Variants in GRIA3 observed in about 807,000 individuals in gnomAD.
GRIA3 encodes glutamate receptor 3.
Under a neutral mutation model 63.0 loss-of-function variants are expected in GRIA3, and 3 were observed. That is an observed-to-expected ratio of 0.05 (90% CI 0.02 to 0.12). The LOEUF is 0.12. Among genes scored for constraint, GRIA3 ranks in the 10% least tolerant of loss-of-function variants. The pLI, the probability that GRIA3 is intolerant of heterozygous loss-of-function variation, is 1.00. For synonymous variants in GRIA3, 274 were observed against 257.9 expected, an observed-to-expected ratio of 1.06 and a Z score of -0.60; for missense variants, 347 against 700.9, an observed-to-expected ratio of 0.50 and a Z score of 5.70.
chrX:123,300,058 T>C (rs965596300), intron 3 of GRIA3, among the ~76,000 whole-genome samples: 29 of 111,797 alleles, frequency 2.6e-4, no homozygotes, highest in African/African-American at 8.8e-4. Flanking sequence ...GAACCAATCT[T>C]GCATCCCAGG....
chrX:123,246,240 C>T (rs1377554869), intron 2 of GRIA3, among the ~76,000 whole-genome samples: 3 of 112,081 alleles, frequency 2.7e-5, no homozygotes, highest in Non-Finnish European at 5.6e-5. Context: ...TATTAGCTTT[C>T]TATTTACTGC....
In GRIA3 at chrX:123,193,302, C is replaced by T. The variant is rs146254771; in HGVS notation, c.268+7312C>T. Among the ~76,000 whole-genome samples, 220 of 111,243 alleles carry T rather than the reference C, an allele frequency of 2.0e-3. 1 individual carries two copies. Among genetic ancestry groups the T allele is most frequent in the African/African-American group, 7.0e-3 (214 of 30,597 alleles). On this transcript the variant is annotated intron_variant, in intron 2 of 15. Transcript: ENST00000620443. The stretch of plus-strand genomic sequence containing the variant: ...TACCCCAAAGTGCCCCTTTTAGAAA[C>T]AACCTGCCCAAGAGAGCGAAGGTTG...
At chrX:123,278,380 C>T (rs1037171407) in intron 3 of GRIA3, among the ~76,000 whole-genome samples, 3 of 112,103 alleles carry the variant, frequency 2.7e-5, no homozygotes, top group Non-Finnish European at 3.8e-5. Flanking sequence ...GGTTGTGTCC[C>T]CACTCTGTTG....
chrX:123,400,637 T>C (rs2045439131), intron 7 of GRIA3, among the ~76,000 whole-genome samples: 1 of 111,989 alleles, frequency 8.9e-6, no homozygotes, highest in Non-Finnish European at 1.9e-5. Flanking sequence ...AACAAAATCA[T>C]TGCCTGGCAG....
At chrX:123,464,773 T>C (rs12841776) in intron 12 of GRIA3, 92 bp from the exon 13 acceptor site, 1 of 780,680 alleles carries the variant, frequency 1.3e-6, no homozygotes, top group Non-Finnish European at 1.9e-6. Flanking sequence ...TTTATTACTG[T>C]GGATTGCAAT....
chrX:123,240,952 C>T (rs900214900), intron 2 of GRIA3, among the ~76,000 whole-genome samples: 1 of 111,772 alleles, frequency 8.9e-6, no homozygotes, highest in African/African-American at 3.3e-5. Flanking sequence ...GTGTGAAGAA[C>T]CAAAGTCAGT....
chrX:123,403,392 C>T lies in GRIA3; in HGVS notation c.1186-20C>T, dbSNP rs1157659246. 2 of 1,028,422 alleles carry T rather than the reference C, an allele frequency of 1.9e-6. No homozygotes were observed. Among genetic ancestry groups the T allele is most frequent in the Non-Finnish European group, 2.7e-6 (2 of 727,825 alleles). 84.8% of individuals were successfully genotyped at this position (1,028,422 alleles called of 1,213,427 possible). ...CTGAGGGAAAAATAGGCATCCAGGT[C>T]AAATGTCTTCTCTTTCTAGGCTGGC... On this transcript the variant is annotated intron_variant, in intron 8 of 15. Coordinates refer to ENST00000620443, the MANE Select transcript of GRIA3 (RefSeq NM_007325.5).
At chrX:123,227,561 T>TG (rs890308963) in intron 2 of GRIA3, among the ~76,000 whole-genome samples, 20 of 110,991 alleles carry the variant, frequency 1.8e-4, no homozygotes, top group African/African-American at 6.2e-4. Flanking sequence ...AGATATTCTG[T>TG]GGGGGAAGGG....
intron 12 of GRIA3, among the ~76,000 whole-genome samples, chrX:123,442,041 G>A (rs1271379966): frequency 8.9e-6 from 1 of 112,294 alleles, no homozygotes; most frequent in African/African-American, 3.2e-5. Flanking sequence ...ATAAATTCAA[G>A]GAGACTTGGA....
At chrX:123,227,312 T>G (rs918061894) in intron 2 of GRIA3, among the ~76,000 whole-genome samples, 1 of 111,959 alleles carries the variant, frequency 8.9e-6, no homozygotes, top group Admixed American at 9.5e-5. Context: ...TTATTTTCCT[T>G]TGTCTCCTCA....
At chrX:123,404,944 A>C (rs780425747) in intron 10 of GRIA3, 30 bp downstream of exon 10, 1 of 980,255 alleles carries the variant, frequency 1.0e-6, no homozygotes. Flanking sequence ...GTTTTCATTT[A>C]TTCTGTGCTT....
intron 5 of GRIA3, among the ~76,000 whole-genome samples, chrX:123,382,655 G>C (rs1423955025): frequency 9.0e-6 from 1 of 111,306 alleles, no homozygotes; most frequent in Non-Finnish European, 1.9e-5. Context: ...AGGTGTATTT[G>C]AGGTGGACAT....
At chrX:123,475,609 T>C (rs1405917659) in intron 13 of GRIA3, among the ~76,000 whole-genome samples, 1 of 112,225 alleles carries the variant, frequency 8.9e-6, no homozygotes. Flanking sequence ...ATTCTTTCTG[T>C]TCTCTATTGA....
intron 3 of GRIA3, among the ~76,000 whole-genome samples, chrX:123,287,170 A>T (rs781710323): frequency 1.2e-3 from 133 of 111,884 alleles, no homozygotes; most frequent in African/African-American, 3.2e-3. Context: ...AAACCACATG[A>T]TTATCTCAAT....
chrX:123,365,835 T>C (rs1253468608), intron 5 of GRIA3, among the ~76,000 whole-genome samples: 2 of 112,065 alleles, frequency 1.8e-5, no homozygotes, highest in Non-Finnish European at 3.8e-5. Context: ...TTTTTTTAAG[T>C]GAAAGCAAGT....
chrX:123,230,507 G>A (rs1229059407), intron 2 of GRIA3, among the ~76,000 whole-genome samples: 1 of 111,376 alleles, frequency 9.0e-6, no homozygotes, highest in Admixed American at 9.6e-5. Flanking sequence ...ACCTGAGTAG[G>A]CTGGTGGGGG....
intron 5 of GRIA3, among the ~76,000 whole-genome samples, chrX:123,376,933 C>CTTTTT (rs11310583): frequency 4.1e-5 from 3 of 73,816 alleles, no homozygotes; most frequent in Non-Finnish European, 4.9e-5. Flanking sequence ...TTCATTCACT[C>CTTTTT]TTTTTTTTTT....
chrX:123,273,984 T>C (rs183162346), intron 3 of GRIA3, among the ~76,000 whole-genome samples: 98 of 112,003 alleles, frequency 8.7e-4, no homozygotes, highest in African/African-American at 3.1e-3. Context: ...TGACAAATAC[T>C]TCAAGCAATG....
rs375830810 is a variant in GRIA3 at position 123,278,807 on chromosome X, A to G, written c.508+25265A>G. Reference sequence around the variant, plus strand: ...ATGTGTCCATTTTTATGCCAGTTTCATGCTATTTTGGTTGTTATGGCTTTG... The same window carrying G: ...ATGTGTCCATTTTTATGCCAGTTTCGTGCTATTTTGGTTGTTATGGCTTTG... On this transcript the variant is annotated intron_variant, in intron 3 of 15. Coordinates refer to ENST00000620443, the MANE Select transcript of GRIA3 (RefSeq NM_007325.5). 4.5e-5 allele frequency among the ~76,000 whole-genome samples: 5 copies of G among 111,851 alleles called. No homozygotes were observed. The East Asian group carries it at 1.4e-3, about 31-fold the overall frequency.
Sources: allele counts gnomAD v4.1 joint callset (sites outside exome capture counted in the v4.1 genomes callset), GRCh38; gene constraint gnomAD v4.1.1; transcripts MANE v1.5; gene names NCBI Gene and HGNC (gene_info 2026-07-23, HGNC 2026-07-21).